The following FAM186A variants were observed in gnomAD, a reference collection of about 807,000 sequenced individuals.
FAM186A encodes protein FAM186A.
FAM186A carries 163 observed loss-of-function variants against 216.8 expected under a neutral mutation model. That is an observed-to-expected ratio of 0.75 (90% CI 0.66 to 0.86). FAM186A has a LOEUF of 0.86. Ranked by LOEUF, FAM186A falls within the 40% of genes least tolerant of loss-of-function variation. The probability of loss-of-function intolerance (pLI) is 0.00; values close to 1 mark genes in which losing one functional copy is unlikely to be tolerated. For missense variants in FAM186A, 2,184 were observed against 2,746.2 expected (o/e 0.80, Z 4.58); for synonymous variants, 805 against 1,025.3 (o/e 0.79, Z 4.10).
chr12:50,342,917 G>A (rs987386498), intron 4 of FAM186A, among the ~76,000 whole-genome samples: 1 of 147,876 alleles, frequency 6.8e-6, no homozygotes, highest in Non-Finnish European at 1.5e-5. Flanking sequence ...GACTACAGGT[G>A]CACACCACCA....
intron 4 of FAM186A, among the ~76,000 whole-genome samples, chr12:50,342,762 C>A (rs954903932): frequency 7.5e-6 from 1 of 133,350 alleles, no homozygotes; most frequent in African/African-American, 2.5e-5. Context: ...CGTGAGCCAC[C>A]GCTCCCGACC....
chr12:50,395,344 C>T (rs1392979505), intron 1 of FAM186A, among the ~76,000 whole-genome samples: 4 of 152,156 alleles, frequency 2.6e-5, no homozygotes, highest in Admixed American at 2.0e-4. Context: ...CTGCCTTGGC[C>T]TCCCAAAGCA....
intron 7 of FAM186A, among the ~76,000 whole-genome samples, chr12:50,329,402 TAA>T (rs1230543375): frequency 1.3e-5 from 2 of 152,192 alleles, no homozygotes; most frequent in Non-Finnish European, 2.9e-5. Context: ...GATTATAACC[TAA>T]GAGTCATGCT....
chr12:50,375,377 G>C (rs889126896), intron 1 of FAM186A, among the ~76,000 whole-genome samples: 12 of 151,828 alleles, frequency 7.9e-5, no homozygotes, highest in Admixed American at 5.9e-4. Flanking sequence ...GTGAAACCCT[G>C]TCTCGACTAA....
intron 3 of FAM186A, among the ~76,000 whole-genome samples, chr12:50,360,235 C>A (rs1384474998): frequency 1.1e-5 from 1 of 89,388 alleles, no homozygotes; most frequent in Non-Finnish European, 2.2e-5. Context: ...CAGTGTGATA[C>A]CCTGTCTCAA....
rs561939842 is a variant in FAM186A at position 50,331,870 on chromosome 12, A to G, written c.6697-49T>C. 1.6e-5 allele frequency: 24 copies of G among 1,461,096 alleles called. No homozygotes were observed. In the South Asian group the frequency reaches 2.8e-4, roughly 17 times the overall value. 90.5% of individuals were successfully genotyped at this position (1,461,096 alleles called of 1,614,324 possible). A position where few individuals can be genotyped will look rare whatever the true frequency, so the allele number is the denominator to read the frequency against. ...AAAGGAAACCATGAAAAGAGACAGA[A>G]TCTTTAGAAGGGTCTTCAGAGCTGG... is the stretch of plus-strand genomic sequence containing the variant. On this transcript the variant is annotated intron_variant, in intron 5 of 7. Coordinates refer to ENST00000327337, the MANE Select transcript of FAM186A (RefSeq NM_001145475.3).
chr12:50,394,761 A>G (rs995022130), intron 1 of FAM186A, among the ~76,000 whole-genome samples: 3 of 32,130 alleles, frequency 9.3e-5, no homozygotes, highest in African/African-American at 8.6e-4. Context: ...TTTTTTTTTT[A>G]GAGATAGAGT....
rs1942883123 is a variant in FAM186A, at chr12:50,351,670, G to A, written c.5162C>T (p.Ser1721Phe). ...TATGATGGATTGCCCAGTGGGGAGA[G>A]AAGCCTTCGATTTCTGAAATGGTCT... Reference protein sequence around the residue: ...SHRPFQKSKASLPTGQSIISR... With the variant: ...SHRPFQKSKAFLPTGQSIISR... Residue 1721 changes from serine to phenylalanine, a missense_variant, in exon 4 of 8, where the codon TCT (serine) becomes TTT (phenylalanine). Around this residue, in one of 7 missense-constraint regions of FAM186A, gnomAD observed 721 missense variants for 816.4 expected, o/e 0.88. Coordinates refer to ENST00000327337, the MANE Select transcript of FAM186A (RefSeq NM_001145475.3). The A allele has an allele frequency of 1.9e-6, 3 of 1,551,608 alleles. No individual in the cohort carries two copies. Among genetic ancestry groups the A allele is most frequent in the Admixed American group, 2.0e-5 (1 of 50,992 alleles).
At position 50,350,311 on chromosome 12, in the gene FAM186A, G is replaced by A. The variant is rs7296277; in HGVS notation, c.6503+18C>T. ...TCAGAACTAAACCAGAAAACTAGACGTAAATAATTATATCTACCTGGCATG... is the reference window on the plus strand; with the variant it reads ...TCAGAACTAAACCAGAAAACTAGACATAAATAATTATATCTACCTGGCATG... On this transcript the variant is annotated intron_variant, in intron 4 of 7. Transcript: ENST00000327337. 0.99 allele frequency: 1,487,174 copies of A among 1,495,270 alleles called. 739,913 individuals carry two copies. The highest frequency in any genetic ancestry group is 1 in the East Asian group (40,442 of 40,442). 92.6% of individuals were successfully genotyped at this position (1,495,270 alleles called of 1,614,324 possible).
intron 3 of FAM186A, 121 bp from the exon 4 acceptor site, chr12:50,356,369 G>T: frequency 1.4e-6 from 1 of 733,852 alleles, no homozygotes; most frequent in Non-Finnish European, 2.0e-6. Context: ...ATAAGATAAA[G>T]ATTAATCTGA....
At chr12:50,360,253 A>G (rs1204243059) in intron 3 of FAM186A, among the ~76,000 whole-genome samples, 2 of 151,384 alleles carry the variant, frequency 1.3e-5, no homozygotes, top group Non-Finnish European at 2.9e-5. Flanking sequence ...CAAAAAAAAA[A>G]AAAAAAAATT....
intron 1 of FAM186A, chr12:50,365,911 G>T: frequency 1.3e-6 from 1 of 763,042 alleles, no homozygotes; most frequent in Non-Finnish European, 2.4e-6. Flanking sequence ...CGGGTGCAGT[G>T]GAAAAAGGCT....
In FAM186A at chr12:50,345,892, C is replaced by T. The variant is rs1942806530; in HGVS notation, c.6503+4437G>A. Among the ~76,000 whole-genome samples the T allele has an allele frequency of 3.4e-5, 5 of 148,766 alleles. No homozygotes were observed. The Admixed American group carries it at 3.4e-4, about 10-fold the overall frequency. ...TTTTTTCTAATGTAGTGAAAAATGA[C>T]ATTGGTAGTTTAATAGGAATATCAT... On this transcript the variant is annotated intron_variant, in intron 4 of 7. Transcript: ENST00000327337.
rs1383898895 is a variant in FAM186A at position 50,346,237 on chromosome 12, A to AAAGAAAGAAAGCAAGAAAGAAAG, written c.6503+4091_6503+4092insCTTTCTTTCTTGCTTTCTTTCTT. On this transcript the variant is annotated intron_variant, in intron 4 of 7. Coordinates refer to ENST00000327337, the MANE Select transcript of FAM186A (RefSeq NM_001145475.3). ...AGAGAGAAGGAAAGAAAGAAAGAAAAAAAGAAAGAAAGAAAGAAAGAAAGA... is the reference window on the plus strand; with the variant it reads ...AGAGAGAAGGAAAGAAAGAAAGAAAAAAGAAAGAAAGCAAGAAAGAAAGAAAGAAAGAAAGAAAGAAAGAAAGA... Among the ~76,000 whole-genome samples the AAAGAAAGAAAGCAAGAAAGAAAG allele has an allele frequency of 2.7e-4, 28 of 102,184 alleles. 4 individuals are homozygous for AAAGAAAGAAAGCAAGAAAGAAAG. Among genetic ancestry groups the AAAGAAAGAAAGCAAGAAAGAAAG allele is most frequent in the Non-Finnish European group, 4.0e-4 (20 of 50,214 alleles). 67.0% of individuals were successfully genotyped at this position (102,184 alleles called of 152,430 possible). A position where few individuals can be genotyped will look rare whatever the true frequency, so the allele number is the denominator to read the frequency against.
Position 50,351,202 on chromosome 12 carries a change from C to A in FAM186A, c.5630G>T (p.Gly1877Val). ...SSIPGDLLES[G>V]PLTFSEQLQE... ...GAGCTGCTCAGAGAAGGTTAAGGGTCCAGATTCCAGGAGGTCCCCAGGGAT... is the reference window on the plus strand; with the variant it reads ...GAGCTGCTCAGAGAAGGTTAAGGGTACAGATTCCAGGAGGTCCCCAGGGAT... Residue 1877 changes from glycine (G) to valine (V), a missense_variant, in exon 4 of 8, where the codon GGA becomes GTA. Coordinates refer to ENST00000327337, the MANE Select transcript of FAM186A (RefSeq NM_001145475.3). 6.4e-7 allele frequency: 1 copy of A among 1,551,492 alleles called. No individual in the cohort carries two copies. Among genetic ancestry groups the A allele is most frequent in the Non-Finnish European group, 8.7e-7 (1 of 1,146,946 alleles).
chr12:50,365,356 G>C (rs1398291025), intron 1 of FAM186A, among the ~76,000 whole-genome samples: 1 of 152,224 alleles, frequency 6.6e-6, no homozygotes, highest in East Asian at 1.9e-4. Context: ...ACACTGAAAT[G>C]CATGTTATTA....
At chr12:50,342,432 A>G (rs192689839) in intron 4 of FAM186A, among the ~76,000 whole-genome samples, 1,620 of 151,722 alleles carry the variant, frequency 0.011, 27 homozygotes, top group African/African-American at 0.035. Context: ...ACTAAGGGGG[A>G]AAAATCTCCT....
intron 3 of FAM186A, among the ~76,000 whole-genome samples, chr12:50,359,926 C>T (rs1196076399): frequency 6.6e-6 from 1 of 152,022 alleles, no homozygotes; most frequent in Non-Finnish European, 1.5e-5. Context: ...GGGATCTTTT[C>T]GGGATAATGG....
At chr12:50,390,225 C>T (rs1342692028) in intron 1 of FAM186A, among the ~76,000 whole-genome samples, 3 of 152,094 alleles carry the variant, frequency 2.0e-5, no homozygotes, top group Admixed American at 2.0e-4. Context: ...GCCCAGTAGT[C>T]CCCCAAAAGG....
Sources: gnomAD v4.1 joint callset for allele counts (sites outside exome capture counted in the v4.1 genomes callset) on GRCh38, gnomAD v4.1.1 for gene constraint, gnomAD v4.1.1 regional missense constraint, MANE v1.5 for transcripts, NCBI Gene and HGNC (gene_info 2026-07-23, HGNC 2026-07-21) for gene names.